ADAM29: variants seen among roughly 807,000 people sequenced by gnomAD.
The protein encoded by ADAM29 is ADAM metallopeptidase domain 29.
For missense variants in ADAM29, 969 were observed against 1,001.8 expected, an observed-to-expected ratio of 0.97 and a Z score of 0.44; for synonymous variants, 367 against 342.3, an observed-to-expected ratio of 1.07 and a Z score of -0.80.
chr4:174,952,163 A>C (rs1745215815), intron 4 of ADAM29, among the ~76,000 whole-genome samples: 1 of 152,140 alleles, frequency 6.6e-6, no homozygotes, highest in South Asian at 2.1e-4. Context: ...TTAAAAAGAA[A>C]ACAACCTTAT....
chr4:174,953,713 A>G (rs927077891), intron 4 of ADAM29, among the ~76,000 whole-genome samples: 1 of 151,768 alleles, frequency 6.6e-6, no homozygotes, highest in Admixed American at 6.6e-5. Context: ...GCTTTTTTTT[A>G]TTATTATTTT....
intron 2 of ADAM29, among the ~76,000 whole-genome samples, chr4:174,925,684 G>A (rs949973097): frequency 6.7e-6 from 1 of 148,232 alleles, no homozygotes; most frequent in African/African-American, 2.6e-5. Context: ...TAAAATGCCA[G>A]GAGAAGTATC....
chr4:174,947,156 T>C (rs772263833), intron 4 of ADAM29, among the ~76,000 whole-genome samples: 3 of 152,050 alleles, frequency 2.0e-5, no homozygotes, highest in Non-Finnish European at 4.4e-5. Flanking sequence ...TTAGTCTATC[T>C]AGCAGTCTAT....
At chr4:174,924,818 C>A (rs946593610) in intron 2 of ADAM29, among the ~76,000 whole-genome samples, 2 of 152,188 alleles carry the variant, frequency 1.3e-5, no homozygotes, top group East Asian at 3.9e-4. Context: ...TAATTCTCCA[C>A]TTCTTCCATG....
intron 4 of ADAM29, among the ~76,000 whole-genome samples, chr4:174,960,464 AT>A (rs1465173925): frequency 6.6e-6 from 1 of 151,974 alleles, no homozygotes; most frequent in Non-Finnish European, 1.5e-5. Context: ...GATTTGTTTG[AT>A]TTTTTATGTG....
At chr4:174,950,985 C>T (rs2111016838) in intron 4 of ADAM29, among the ~76,000 whole-genome samples, 1 of 152,220 alleles carries the variant, frequency 6.6e-6, no homozygotes, top group Non-Finnish European at 1.5e-5. Flanking sequence ...CTGAGGCCTC[C>T]CAGCCATGCT....
chr4:174,958,291 T>C (rs974241420), intron 4 of ADAM29, among the ~76,000 whole-genome samples: 5 of 151,784 alleles, frequency 3.3e-5, no homozygotes, highest in Non-Finnish European at 3.0e-5. Context: ...TGTCTTTCTC[T>C]TTTCAGTTCT....
chr4:174,949,127 C>T (rs1579044656), intron 4 of ADAM29, among the ~76,000 whole-genome samples: 2 of 152,236 alleles, frequency 1.3e-5, no homozygotes, highest in Non-Finnish European at 1.5e-5. Context: ...GTAACCGAGG[C>T]TGCACTGCAA....
intron 4 of ADAM29, among the ~76,000 whole-genome samples, chr4:174,960,299 C>G (rs1473827611): frequency 6.6e-6 from 1 of 151,874 alleles, no homozygotes; most frequent in East Asian, 1.9e-4. Context: ...GAAATATTTA[C>G]TAATTTTCTT....
chr4:174,956,018 CTA>C (rs1745477650), intron 4 of ADAM29, among the ~76,000 whole-genome samples: 1 of 152,044 alleles, frequency 6.6e-6, no homozygotes, highest in Non-Finnish European at 1.5e-5. Context: ...TCAGGACAGA[CTA>C]TATGTTTTAG....
intron 4 of ADAM29, among the ~76,000 whole-genome samples, chr4:174,966,418 G>C (rs1470042466): frequency 6.6e-6 from 1 of 152,124 alleles, no homozygotes; most frequent in East Asian, 1.9e-4. Context: ...AAAAATCCAT[G>C]CTGAAACTAA....
In ADAM29 at chr4:174,961,509, C is replaced by T. The variant is rs917351890; in HGVS notation, c.-180-13837C>T. Among the ~76,000 whole-genome samples, 75 of 151,926 alleles carry T rather than the reference C, an allele frequency of 4.9e-4. 1 individual carries two copies. The highest frequency in any genetic ancestry group is 3.7e-3 in the East Asian group (19 of 5,166). On this transcript the variant is annotated intron_variant, in intron 4 of 4. Transcript: ENST00000359240. ...ATTCTAATGCTTTTAGTAATCATTT[C>T]GTGCTCATTAGTACAAATGAGAAAG...
At chr4:174,926,163 A>T (rs934601931) in intron 2 of ADAM29, among the ~76,000 whole-genome samples, 1 of 152,180 alleles carries the variant, frequency 6.6e-6, no homozygotes, top group Non-Finnish European at 1.5e-5. Flanking sequence ...TGCCCTAAAT[A>T]TTTAACCTGG....
At chr4:174,938,711 CAG>C (rs1053003004) in intron 4 of ADAM29, among the ~76,000 whole-genome samples, 13 of 152,032 alleles carry the variant, frequency 8.6e-5, no homozygotes, top group African/African-American at 1.9e-4. Context: ...GATAAGAAAA[CAG>C]GGGATTGTTG....
intron 4 of ADAM29, among the ~76,000 whole-genome samples, chr4:174,949,299 A>T (rs13132513): frequency 6.6e-6 from 1 of 151,852 alleles, no homozygotes; most frequent in East Asian, 2.0e-4. Context: ...GCAAGCTTTG[A>T]GGGATGAGCA....
Position 174,977,636 on chromosome 4 carries a change from T to A in ADAM29, c.2111T>A (p.Ile704Lys). 6.2e-7 allele frequency: 1 copy of A among 1,614,044 alleles called. No individual in the cohort carries two copies. Among genetic ancestry groups the A allele is most frequent in the Non-Finnish European group, 8.5e-7 (1 of 1,179,998 alleles). Residue 704 changes from isoleucine to lysine, a missense_variant, in exon 5 of 5, where the codon ATA (isoleucine) becomes AAA (lysine). By Grantham distance (102) the Ile-to-Lys change is moderately radical. Transcript: ENST00000359240. ...LYRLCKKSKP[I>K]KKQQDVQTPS... is the part of the protein sequence containing the mutation. ...CGACTTTGTAAAAAAAGTAAACCAA[T>A]AAAAAAGCAGCAAGATGTTCAAACT...
intron 2 of ADAM29, among the ~76,000 whole-genome samples, chr4:174,926,757 C>T (rs1014336733): frequency 3.4e-5 from 5 of 145,764 alleles, no homozygotes; most frequent in Non-Finnish European, 7.5e-5. Flanking sequence ...AACAACAAAA[C>T]ATAACACTGT....
chr4:174,940,362 G>A (rs371816612), intron 4 of ADAM29, among the ~76,000 whole-genome samples: 4 of 152,146 alleles, frequency 2.6e-5, no homozygotes, highest in South Asian at 2.1e-4. Context: ...AGACAAAACC[G>A]CAATGTTAAC....
chr4:174,948,646 A>G (rs1330165390), intron 4 of ADAM29, among the ~76,000 whole-genome samples: 1 of 152,188 alleles, frequency 6.6e-6, no homozygotes, highest in African/African-American at 2.4e-5. Flanking sequence ...GCTTGCTCAC[A>G]TGTGCCAGCA....
Sources: allele counts gnomAD v4.1 joint callset (sites outside exome capture counted in the v4.1 genomes callset), GRCh38; gene constraint gnomAD v4.1.1; transcripts MANE v1.5; gene names NCBI Gene and HGNC (gene_info 2026-07-23, HGNC 2026-07-21).